GPHN: variants seen among roughly 807,000 people sequenced by gnomAD.
GPHN encodes gephyrin.
In GPHN, 17 loss-of-function variants were observed where a neutral mutation model predicts 95.5. That is an observed-to-expected ratio of 0.18 (90% CI 0.12 to 0.27). GPHN has a LOEUF of 0.27. Ranked by LOEUF, GPHN falls within the 10% of genes least tolerant of loss-of-function variation. The pLI is 1.00. For missense variants in GPHN, 660 were observed against 978.1 expected, an observed-to-expected ratio of 0.67 and a Z score of 4.34; for synonymous variants, 320 against 322.5, an observed-to-expected ratio of 0.99 and a Z score of 0.08.
chr14:67,642,805 T>TTTC, the GPHN span, among the ~76,000 whole-genome samples: 38 of 129,002 alleles, frequency 2.9e-4, 3 homozygotes, highest in South Asian at 7.1e-3. Flanking sequence ...TTTTTTTTTT[T>TTTC]TTTTTTTTTT....
intron 18 of GPHN, among the ~76,000 whole-genome samples, chr14:67,157,485 G>A (rs2081664163): frequency 6.6e-6 from 1 of 152,156 alleles, no homozygotes; most frequent in South Asian, 2.1e-4. Context: ...GGGGTAGAAA[G>A]AGTATTCAAG....
intron 2 of GPHN, among the ~76,000 whole-genome samples, chr14:66,708,272 C>T (rs916669121): frequency 6.6e-6 from 1 of 151,698 alleles, no homozygotes; most frequent in Non-Finnish European, 1.5e-5. Context: ...TATCTTCTTA[C>T]ATCCTTCTTT....
intron 1 of GPHN, among the ~76,000 whole-genome samples, chr14:66,532,165 C>G (rs1384602599): frequency 6.6e-6 from 1 of 152,202 alleles, no homozygotes; most frequent in Non-Finnish European, 1.5e-5. Context: ...CAAAACATCA[C>G]AAAATTTAGT....
chr14:66,682,713 G>A (rs1204866506), intron 2 of GPHN, among the ~76,000 whole-genome samples: 1 of 152,094 alleles, frequency 6.6e-6, no homozygotes, highest in Non-Finnish European at 1.5e-5. Flanking sequence ...TTGCACCACT[G>A]CACTCCAGCC....
At chr14:66,899,122 C>CTTTTTTTTTT (rs149566081) in intron 5 of GPHN, among the ~76,000 whole-genome samples, 1 of 130,808 alleles carries the variant, frequency 7.6e-6, no homozygotes, top group Non-Finnish European at 1.7e-5. Flanking sequence ...AGGGCTTTTT[C>CTTTTTTTTTT]TTTTTTTTTT....
At chr14:67,145,452 A>AT (rs1260944251) in intron 18 of GPHN, among the ~76,000 whole-genome samples, 5 of 152,002 alleles carry the variant, frequency 3.3e-5, no homozygotes, top group South Asian at 2.1e-4. Context: ...TATTGGTTTT[A>AT]TTTTTTTTAC....
At chr14:67,489,526 G>GAA in the GPHN span, among the ~76,000 whole-genome samples, 15 of 152,180 alleles carry the variant, frequency 9.9e-5, no homozygotes, top group African/African-American at 3.4e-4. Flanking sequence ...TTCAAGCACT[G>GAA]TCATCTCTCC....
At chr14:67,562,173 C>A in the GPHN span, 2 of 1,611,146 alleles carry the variant, frequency 1.2e-6, no homozygotes, top group East Asian at 4.5e-5. Flanking sequence ...CTGCTGGTGC[C>A]CCCCTACGGA....
At chr14:67,140,156 A>G (rs1456858568) in intron 17 of GPHN, among the ~76,000 whole-genome samples, 3 of 152,126 alleles carry the variant, frequency 2.0e-5, no homozygotes. Flanking sequence ...GGCCAAGGCG[A>G]GCAGATCACC....
the GPHN span, chr14:67,585,638 T>G: frequency 6.4e-7 from 1 of 1,571,506 alleles, no homozygotes; most frequent in Non-Finnish European, 8.6e-7. Flanking sequence ...GTCAGCATCC[T>G]GGACCACAAC....
At chr14:67,159,311 T>C in intron 18 of GPHN, 104 bp from the exon 19 acceptor site, 1 of 785,918 alleles carries the variant, frequency 1.3e-6, no homozygotes, top group South Asian at 1.4e-5. Flanking sequence ...ATAAGAAAGA[T>C]GTTTCTTTTC....
chr14:67,731,479 T>C, the GPHN span, among the ~76,000 whole-genome samples: 1 of 152,048 alleles, frequency 6.6e-6, no homozygotes, highest in East Asian at 1.9e-4. Context: ...CCTCCCAAAG[T>C]GCTGGGATTG....
the GPHN span, chr14:67,203,355 T>A: frequency 7.4e-7 from 1 of 1,357,668 alleles, no homozygotes; most frequent in Non-Finnish European, 9.9e-7. Context: ...CCTGTGGATC[T>A]GAAAACGGAA....
intron 13 of GPHN, among the ~76,000 whole-genome samples, chr14:67,103,680 G>T (rs2077866492): frequency 1.3e-5 from 2 of 150,866 alleles, no homozygotes; most frequent in Admixed American, 6.6e-5. Flanking sequence ...CTGCTAGTTT[G>T]TTCTTGGTGT....
chr14:67,047,334 T>TTGTGTGTG (rs778266656), intron 10 of GPHN, among the ~76,000 whole-genome samples: 1,209 of 109,672 alleles, frequency 0.011, 9 homozygotes, highest in African/African-American at 0.013. Flanking sequence ...GTGTGTGTGT[T>TTGTGTGTG]TGTGTGTGTG....
At chr14:67,102,162 G>T (rs966479476) in intron 13 of GPHN, among the ~76,000 whole-genome samples, 4 of 151,790 alleles carry the variant, frequency 2.6e-5, no homozygotes, top group Non-Finnish European at 4.4e-5. Context: ...GTGAGCCACC[G>T]CGCCCGGCCT....
At chr14:66,744,483 C>T (rs995388734) in intron 2 of GPHN, among the ~76,000 whole-genome samples, 6 of 152,138 alleles carry the variant, frequency 3.9e-5, no homozygotes, top group South Asian at 2.1e-4. Flanking sequence ...AGCACCCATT[C>T]AGTCACACAA....
the GPHN span, chr14:67,204,826 C>G: frequency 6.2e-7 from 1 of 1,613,948 alleles, no homozygotes; most frequent in Non-Finnish European, 8.5e-7. Flanking sequence ...CATCCTGACC[C>G]CGTACATGTA....
the GPHN span, among the ~76,000 whole-genome samples, chr14:67,633,507 A>G: frequency 6.6e-6 from 1 of 152,164 alleles, no homozygotes; most frequent in Non-Finnish European, 1.5e-5. Context: ...ACATATCCCA[A>G]ACTGACCTTA....
Sources: allele counts gnomAD v4.1 joint callset (sites outside exome capture counted in the v4.1 genomes callset), GRCh38; gene constraint gnomAD v4.1.1; transcripts MANE v1.5; gene names NCBI Gene and HGNC (gene_info 2026-07-23, HGNC 2026-07-21).